Variants in EDARADD observed in about 807,000 individuals in gnomAD.
The protein encoded by EDARADD is EDAR associated via death domain.
Under a neutral mutation model 25.6 loss-of-function variants are expected in EDARADD, and 20 were observed. The observed-to-expected ratio is 0.78, with a 90% CI of 0.55 to 1.14. The LOEUF is 1.14. EDARADD is among the 50% of genes most tolerant of loss of function. The pLI, the probability that EDARADD is intolerant of heterozygous loss-of-function variation, is 0.00. For missense variants in EDARADD, 225 were observed against 270.1 expected, an observed-to-expected ratio of 0.83 and a Z score of 1.17; for synonymous variants, 86 against 94.4, an observed-to-expected ratio of 0.91 and a Z score of 0.52.
intron 4 of EDARADD, among the ~76,000 whole-genome samples, chr1:236,455,260 A>G (rs1459305966): frequency 6.6e-6 from 1 of 151,836 alleles, no homozygotes; most frequent in Admixed American, 6.6e-5. Flanking sequence ...ATCCCATCCA[A>G]CAACTTCATT....
upstream of EDARADD, among the ~76,000 whole-genome samples, chr1:236,390,941 G>GTTATTATTA (rs377087092): frequency 2.0e-3 from 304 of 148,888 alleles, 5 homozygotes; most frequent in African/African-American, 5.9e-3. Context: ...TCTTGGGTTA[G>GTTATTATTA]TTGTTATTAT....
At chr1:236,415,906 G>A (rs1657623895) in intron 3 of EDARADD, among the ~76,000 whole-genome samples, 1 of 152,278 alleles carries the variant, frequency 6.6e-6, no homozygotes, top group African/African-American at 2.4e-5. Context: ...TGGCATCCTG[G>A]TCACCATGGA....
chr1:236,390,548 G>A (rs1466327668), upstream of EDARADD, among the ~76,000 whole-genome samples: 3 of 151,782 alleles, frequency 2.0e-5, no homozygotes, highest in African/African-American at 2.4e-5. Context: ...GCGAGACTCC[G>A]TCTCAGAAAA....
rs143698624 is a variant in EDARADD, at chr1:236,471,320, C to T, written c.265+3044C>T. On this transcript the variant is annotated intron_variant, in intron 5 of 5. Coordinates refer to ENST00000334232, the MANE Select transcript of EDARADD (RefSeq NM_145861.4). ...TTCTTAGTAGATAAAAATAATTCTT[C>T]GTCACTTTCTGAAAGCGGCTAACAT... Among the ~76,000 whole-genome samples, 391 of 152,200 alleles carry T rather than the reference C, an allele frequency of 2.6e-3. 6 individuals carry two copies. Among genetic ancestry groups the T allele is most frequent in the African/African-American group, 8.8e-3 (367 of 41,522 alleles).
chr1:236,403,881 A>G (rs184785562), intron 1 of EDARADD, among the ~76,000 whole-genome samples: 1 of 152,210 alleles, frequency 6.6e-6, no homozygotes, highest in African/African-American at 2.4e-5. Context: ...TTTCCAGAAT[A>G]TGCTTGAGGG....
At chr1:236,440,716 T>C (rs1658376437) in intron 4 of EDARADD, among the ~76,000 whole-genome samples, 1 of 152,204 alleles carries the variant, frequency 6.6e-6, no homozygotes, top group African/African-American at 2.4e-5. Flanking sequence ...GTATTTGTTA[T>C]GATGATCTGT....
rs1365934115 is a variant in EDARADD at position 236,394,339 on chromosome 1, C to A, written c.-106C>A. 1.6e-6 allele frequency: 2 copies of A among 1,249,592 alleles called. No individual in the cohort carries two copies. Among genetic ancestry groups the A allele is most frequent in the Non-Finnish European group, 2.3e-6 (2 of 853,532 alleles). 77.4% of individuals were successfully genotyped at this position (1,249,592 alleles called of 1,614,324 possible). A position where few individuals can be genotyped will look rare whatever the true frequency, so the allele number is the denominator to read the frequency against. Reference sequence around the variant, plus strand: ...TACAAATTCCCCAGAGAGCTTTCATCTAGAAGGTTTGACTCTGGCCAGACA... The same window carrying A: ...TACAAATTCCCCAGAGAGCTTTCATATAGAAGGTTTGACTCTGGCCAGACA... On this transcript the variant is annotated 5_prime_UTR_variant, in exon 1 of 6. Transcript: ENST00000334232.
At chr1:236,447,148 TC>T (rs1558127298) in intron 4 of EDARADD, among the ~76,000 whole-genome samples, 1 of 79,176 alleles carries the variant, frequency 1.3e-5, no homozygotes, top group East Asian at 2.3e-4. Flanking sequence ...TTTCCTTCCT[TC>T]CTTCCTCCCT....
intron 4 of EDARADD, among the ~76,000 whole-genome samples, chr1:236,459,457 A>G (rs963306531): frequency 6.6e-6 from 1 of 151,968 alleles, no homozygotes; most frequent in Admixed American, 6.6e-5. Flanking sequence ...CCTCACTTCA[A>G]CTCAACTCCA....
chr1:236,451,071 A>G (rs72753376), intron 4 of EDARADD, among the ~76,000 whole-genome samples: 180 of 152,216 alleles, frequency 1.2e-3, no homozygotes, highest in Non-Finnish European at 2.1e-3. Flanking sequence ...GCCTATCCCC[A>G]GCAGCCAACC....
intron 3 of EDARADD, among the ~76,000 whole-genome samples, chr1:236,368,440 CTTTTTTT>C (rs59201705): frequency 2.4e-5 from 3 of 124,172 alleles, no homozygotes; most frequent in Admixed American, 8.8e-5. Flanking sequence ...CCAGTCTTTT[CTTTTTTT>C]TTTTTTTTTT....
Position 236,395,683 on chromosome 1 carries a change from C to A in EDARADD, c.61+1178C>A. On this transcript the variant is annotated intron_variant, in intron 1 of 5. Coordinates refer to ENST00000334232, the MANE Select transcript of EDARADD (RefSeq NM_145861.4). The surrounding 1 kb of genome is among the most constrained non-coding windows in gnomAD (Gnocchi z 6.9). Reference sequence around the variant, plus strand: ...CAGGTAAAGGGACACAGCGCCGCGCCCGCTCCTGGAGCGAGCACCGCGGGG... The same window carrying A: ...CAGGTAAAGGGACACAGCGCCGCGCACGCTCCTGGAGCGAGCACCGCGGGG... The A allele has an allele frequency of 1.3e-6, 2 of 1,559,996 alleles. No individual in the cohort carries two copies. The highest frequency in any genetic ancestry group is 1.7e-6 in the Non-Finnish European group (2 of 1,156,462).
intron 4 of EDARADD, among the ~76,000 whole-genome samples, chr1:236,437,684 T>G (rs1437670296): frequency 6.6e-6 from 1 of 151,746 alleles, no homozygotes; most frequent in African/African-American, 2.4e-5. Flanking sequence ...TACCATCATC[T>G]CATAGCTCTG....
At chr1:236,381,758 T>TA (rs144295870) in intron 3 of EDARADD, among the ~76,000 whole-genome samples, 5,583 of 148,820 alleles carry the variant, frequency 0.038, 136 homozygotes, top group African/African-American at 0.061. Context: ...TCCTTGTTTT[T>TA]ATGCCTCTGT....
chr1:236,410,140 C>T (rs570748722), intron 2 of EDARADD, among the ~76,000 whole-genome samples: 6 of 152,036 alleles, frequency 3.9e-5, no homozygotes, highest in South Asian at 2.1e-4. Context: ...AGCTTTGTTA[C>T]GTGGATGCAT....
At chr1:236,417,866 C>T (rs1416990616) in intron 3 of EDARADD, among the ~76,000 whole-genome samples, 1 of 151,816 alleles carries the variant, frequency 6.6e-6, no homozygotes, top group African/African-American at 2.4e-5. Context: ...CGTGTCCCTG[C>T]TCTTTTCTTT....
At chr1:236,397,990 C>G (rs1667549227) in intron 1 of EDARADD, among the ~76,000 whole-genome samples, 1 of 152,212 alleles carries the variant, frequency 6.6e-6, no homozygotes. Context: ...AGTGACCATA[C>G]TCTCTCGCCT....
chr1:236,475,919 G>A (rs745720917), intron 5 of EDARADD, among the ~76,000 whole-genome samples: 4 of 151,986 alleles, frequency 2.6e-5, no homozygotes, highest in Admixed American at 1.3e-4. Context: ...GGCCGGGCGC[G>A]GTGGCTCATG....
chr1:236,464,773 C>T (rs538134530), intron 4 of EDARADD, among the ~76,000 whole-genome samples: 1 of 152,228 alleles, frequency 6.6e-6, no homozygotes, highest in African/African-American at 2.4e-5. Flanking sequence ...TGCTTTTCTT[C>T]CCCTCTCTGA....
Sources: gnomAD v4.1 joint callset for allele counts (sites outside exome capture counted in the v4.1 genomes callset) on GRCh38, gnomAD v4.1.1 for gene constraint, Gnocchi (gnomAD v3.1) non-coding constraint, MANE v1.5 for transcripts, NCBI Gene and HGNC (gene_info 2026-07-23, HGNC 2026-07-21) for gene names.